Variants in BCAS3 observed in about 807,000 individuals in gnomAD.
BCAS3 encodes the protein BCAS3 microtubule associated cell migration factor, also known as BCAS4/BCAS3 fusion.
A neutral mutation model predicts 116.1 loss-of-function variants in BCAS3; 53 were observed. The ratio of observed to expected loss-of-function variants is 0.46; its 90% CI spans 0.37 to 0.57. The LOEUF is 0.57. BCAS3 is among the 20% of genes least tolerant of loss of function. The probability of loss-of-function intolerance (pLI) is 0.00; values close to 1 mark genes in which losing one functional copy is unlikely to be tolerated. For missense variants in BCAS3, 917 were observed against 1,165.4 expected, an observed-to-expected ratio of 0.79 and a Z score of 3.10; for synonymous variants, 391 against 408.2, an observed-to-expected ratio of 0.96 and a Z score of 0.51.
chr17:61,390,177 C>G lies in BCAS3; in HGVS notation c.2594-1800C>G, dbSNP rs1014540736. On this transcript the variant is annotated intron_variant, in intron 23 of 23. Transcript: ENST00000407086. The surrounding 1 kb of genome is among the most constrained non-coding windows in gnomAD (Gnocchi z 6.8). The stretch of plus-strand genomic sequence containing the variant: ...CGGTGGGACAGATCGCCCACAACTC[C>G]TCGGCTTGCTTTTGGGGAAATAAGG... 1 of 152,270 alleles carries G rather than the reference C, an allele frequency of 6.6e-6. No individual in the cohort carries two copies. The highest frequency in any genetic ancestry group is 1.5e-5 in the Non-Finnish European group (1 of 68,066). The allele number at this position is 152,270 out of a possible 1,614,324, so 9.4% of individuals were successfully genotyped here. A position where few individuals can be genotyped will look rare whatever the true frequency, so the allele number is the denominator to read the frequency against.
intron 7 of BCAS3, among the ~76,000 whole-genome samples, chr17:60,853,827 G>A (rs2053403585): frequency 6.6e-6 from 1 of 151,800 alleles, no homozygotes; most frequent in Non-Finnish European, 1.5e-5. Context: ...CCATGTTGTA[G>A]CATGTATAAA....
At chr17:60,717,964 G>C (rs1424450464) in intron 5 of BCAS3, among the ~76,000 whole-genome samples, 1 of 152,220 alleles carries the variant, frequency 6.6e-6, no homozygotes, top group Non-Finnish European at 1.5e-5. Context: ...AACAGTGACA[G>C]ATCATCAGAC....
rs2144570912 is a variant in BCAS3, at chr17:61,256,801, A to G, written c.2426-111526A>G. 6.6e-6 allele frequency among the ~76,000 whole-genome samples: 1 copy of G among 152,280 alleles called. No homozygotes were observed. The highest frequency in any genetic ancestry group is 2.1e-4 in the South Asian group (1 of 4,832). On this transcript the variant is annotated intron_variant, in intron 22 of 23. Coordinates refer to ENST00000407086, the MANE Select transcript of BCAS3 (RefSeq NM_017679.5). This position sits in a 1 kb window ranked among gnomAD's most constrained non-coding sequence, Gnocchi z 5.6. ...AGGGTTGTTGGTATGCCATGGCACA[A>G]GGACCCAAAGTGATCTTCTCAGGCC...
At chr17:61,109,596 A>G (rs1325117802) in intron 22 of BCAS3, among the ~76,000 whole-genome samples, 2 of 152,138 alleles carry the variant, frequency 1.3e-5, no homozygotes, top group Non-Finnish European at 2.9e-5. Flanking sequence ...CACTGCATCC[A>G]TGCCAACATC....
rs1396127133 is a variant in BCAS3, at chr17:61,198,464, C to A, written c.2425+113900C>A. ...CCGATATGTTGATTTTCAAATAATT[C>A]ATTAATTTAAGTATTTTCTTCTATA... is the stretch of plus-strand genomic sequence containing the variant. On this transcript the variant is annotated intron_variant, in intron 22 of 23. Coordinates refer to ENST00000407086, the MANE Select transcript of BCAS3 (RefSeq NM_017679.5). This position sits in a 1 kb window ranked among gnomAD's most constrained non-coding sequence, Gnocchi z 5.0. Among the ~76,000 whole-genome samples the A allele has an allele frequency of 6.6e-6, 1 of 152,090 alleles. No homozygotes were observed. Among genetic ancestry groups the A allele is most frequent in the African/African-American group, 2.4e-5 (1 of 41,408 alleles).
chr17:60,975,029 C>T lies in BCAS3; in HGVS notation c.1222-14942C>T, dbSNP rs569151372. Among the ~76,000 whole-genome samples, 156 of 146,140 alleles carry T rather than the reference C, an allele frequency of 1.1e-3. 1 individual carries two copies. The highest frequency in any genetic ancestry group is 4.0e-3 in the African/African-American group (151 of 38,064). ...TTTTTTTTTGAGACGGAGTCTCGCT[C>T]TGTCGCCCAGGCCGGACTGCGGACT... On this transcript the variant is annotated intron_variant, in intron 14 of 23. Transcript: ENST00000407086.
intron 22 of BCAS3, among the ~76,000 whole-genome samples, chr17:61,351,015 G>A (rs1204128629): frequency 3.9e-5 from 6 of 152,196 alleles, no homozygotes; most frequent in African/African-American, 1.4e-4. Flanking sequence ...GGATGGTGCT[G>A]TCTGGTGGTC....
chr17:61,181,162 T>C lies in BCAS3; in HGVS notation c.2425+96598T>C, dbSNP rs567982026. On this transcript the variant is annotated intron_variant, in intron 22 of 23. Coordinates refer to ENST00000407086, the MANE Select transcript of BCAS3 (RefSeq NM_017679.5). This position sits in a 1 kb window ranked among gnomAD's most constrained non-coding sequence, Gnocchi z 5.0. ...TTGACCCTAGGAACTCGAGGCTGCA[T>C]TGAGCTGTAATAGCACCACTGCACT... is the stretch of plus-strand genomic sequence containing the variant. Among the ~76,000 whole-genome samples, 208 of 152,276 alleles carry C rather than the reference T, an allele frequency of 1.4e-3. No homozygotes were observed. The highest frequency in any genetic ancestry group is 4.5e-3 in the African/African-American group (188 of 41,566).
intron 13 of BCAS3, among the ~76,000 whole-genome samples, chr17:60,937,582 A>C (rs2060001760): frequency 1.3e-5 from 2 of 152,238 alleles, no homozygotes; most frequent in African/African-American, 4.8e-5. Context: ...TCTCTGAAAT[A>C]CACAGAATGC....
intron 19 of BCAS3, among the ~76,000 whole-genome samples, chr17:61,057,195 G>T (rs2069471393): frequency 6.6e-6 from 1 of 152,112 alleles, no homozygotes; most frequent in African/African-American, 2.4e-5. Context: ...GATTTCTGTG[G>T]TGTTAAAAGG....
intron 22 of BCAS3, among the ~76,000 whole-genome samples, chr17:61,322,747 A>G (rs1325169275): frequency 1.3e-5 from 2 of 151,636 alleles, no homozygotes; most frequent in Non-Finnish European, 2.9e-5. Context: ...CCAAAAGTAT[A>G]GTCTCATTGG....
chr17:61,278,621 T>C lies in BCAS3; in HGVS notation c.2426-89706T>C, dbSNP rs538359962. Among the ~76,000 whole-genome samples the C allele has an allele frequency of 2.9e-3, 436 of 152,266 alleles. 3 individuals carry two copies. The highest frequency in any genetic ancestry group is 9.6e-3 in the African/African-American group (397 of 41,546). Reference sequence around the variant, plus strand: ...AACACATTCATGGATAAACAAAATGTGGTGTGTTCCTACAGTGGAACACAA... The same window carrying C: ...AACACATTCATGGATAAACAAAATGCGGTGTGTTCCTACAGTGGAACACAA... On this transcript the variant is annotated intron_variant, in intron 22 of 23. Coordinates refer to ENST00000407086, the MANE Select transcript of BCAS3 (RefSeq NM_017679.5). The surrounding 1 kb of genome is among the most constrained non-coding windows in gnomAD (Gnocchi z 5.8).
chr17:60,763,176 A>G (rs916519550), intron 6 of BCAS3, among the ~76,000 whole-genome samples: 6 of 152,172 alleles, frequency 3.9e-5, no homozygotes, highest in African/African-American at 1.2e-4. Flanking sequence ...TCCTAATTGA[A>G]TACCCTTTAT....
intron 14 of BCAS3, among the ~76,000 whole-genome samples, chr17:60,953,790 A>G (rs552383943): frequency 6.6e-6 from 1 of 150,664 alleles, no homozygotes; most frequent in Admixed American, 6.6e-5. Context: ...CTGGAGTGCA[A>G]TGGCGTGATC....
intron 7 of BCAS3, among the ~76,000 whole-genome samples, chr17:60,861,148 G>A (rs1027902867): frequency 6.6e-6 from 1 of 152,062 alleles, no homozygotes; most frequent in South Asian, 2.1e-4. Context: ...CCATTTGCTT[G>A]TGTCATCTCT....
At chr17:60,930,526 G>T (rs541313286) in intron 13 of BCAS3, among the ~76,000 whole-genome samples, 1 of 151,500 alleles carries the variant, frequency 6.6e-6, no homozygotes, top group Non-Finnish European at 1.5e-5. Flanking sequence ...GTGTGATCTC[G>T]GCTCACCACA....
Position 61,251,142 on chromosome 17 carries a change from C to T in BCAS3, c.2426-117185C>T, listed in dbSNP as rs1489794175. Among the ~76,000 whole-genome samples, 2 of 152,220 alleles carry T rather than the reference C, an allele frequency of 1.3e-5. No homozygotes were observed. The highest frequency in any genetic ancestry group is 4.8e-5 in the African/African-American group (2 of 41,468). On this transcript the variant is annotated intron_variant, in intron 22 of 23. Transcript: ENST00000407086. The surrounding 1 kb of genome is among the most constrained non-coding windows in gnomAD (Gnocchi z 4.7). ...TCACTGGTGCAAGAATTGGGCAGTG[C>T]TTGCCCAGCTGGAAGGTGAGACATT...
chr17:60,708,824 A>C (rs1404038705), intron 4 of BCAS3, among the ~76,000 whole-genome samples: 1 of 152,124 alleles, frequency 6.6e-6, no homozygotes, highest in Admixed American at 6.6e-5. Context: ...CACCGGGCCC[A>C]GCCTATTTAT....
intron 7 of BCAS3, among the ~76,000 whole-genome samples, chr17:60,812,378 GA>G (rs2048914686): frequency 6.6e-6 from 1 of 152,188 alleles, no homozygotes. Context: ...AGGAGATGGG[GA>G]TGGAGAGGGA....
Sources: allele counts gnomAD v4.1 joint callset (sites outside exome capture counted in the v4.1 genomes callset), GRCh38; gene constraint gnomAD v4.1.1; non-coding constraint Gnocchi (gnomAD v3.1); transcripts MANE v1.5; gene names NCBI Gene and HGNC (gene_info 2026-07-23, HGNC 2026-07-21).